Variants in PTPRF observed in about 807,000 individuals in gnomAD.
PTPRF encodes receptor-type tyrosine-protein phosphatase F.
In PTPRF, 59 loss-of-function variants were observed where a neutral mutation model predicts 201.8. That is an observed-to-expected ratio of 0.29 (90% CI 0.24 to 0.36). The LOEUF (loss-of-function observed/expected upper bound fraction) is 0.36, where lower values mean the gene tolerates loss of function less well. Ranked by LOEUF, PTPRF falls within the 10% of genes least tolerant of loss-of-function variation. The pLI is 1.00. For synonymous variants in PTPRF, 1,088 were observed against 1,089.7 expected (o/e 1.00, Z 0.03); for missense variants, 2,132 against 2,690.5 (o/e 0.79, Z 4.59).
chr1:43,607,731 G>C (rs1325850507), intron 21 of PTPRF, among the ~76,000 whole-genome samples: 1 of 152,172 alleles, frequency 6.6e-6, no homozygotes, highest in African/African-American at 2.4e-5. Context: ...TCAGTGTTCA[G>C]GCCCACACAG....
At position 43,558,571 on chromosome 1, in the gene PTPRF, C is replaced by T. The variant is rs549508698; in HGVS notation, c.379+4630C>T. Among the ~76,000 whole-genome samples, 407 of 152,318 alleles carry T rather than the reference C, an allele frequency of 2.7e-3. 3 individuals carry two copies. Among genetic ancestry groups the T allele is most frequent in the Non-Finnish European group, 4.0e-3 (272 of 68,016 alleles). On this transcript the variant is annotated intron_variant, in intron 5 of 33. Transcript: ENST00000359947. ...GATGAGCGTGGGGCCCGCCGCCCAG[C>T]GTTCCTGTCTGAGTGGTAATTGAAG...
In PTPRF at chr1:43,603,669, G is replaced by A; in HGVS notation, c.2517G>A (p.Gln839=). ...CGGCCATGAACACTGCGCTGCTCCA[G>A]TGGCACCCACCCAAGGAACTGCCTG... The part of the protein sequence containing the change: ...STTAMNTALL[Q]WHPPKELPGE... Residue 839 remains glutamine, a synonymous_variant, in exon 16 of 34, where the codon CAG becomes CAA. Transcript: ENST00000359947. This position sits in a 1 kb window ranked among gnomAD's most constrained non-coding sequence, Gnocchi z 5.8. 1 of 1,613,624 alleles carries A rather than the reference G, an allele frequency of 6.2e-7. No homozygotes were observed. Among genetic ancestry groups the A allele is most frequent in the Non-Finnish European group, 8.5e-7 (1 of 1,180,002 alleles).
At chr1:43,618,006 G>A (rs766447337) in intron 25 of PTPRF, 95 bp downstream of exon 25, 44 of 1,336,008 alleles carry the variant, frequency 3.3e-5, no homozygotes, top group Non-Finnish European at 4.1e-5. Flanking sequence ...CTTCTGTGGA[G>A]GAAGTCGCTC....
chr1:43,554,071 A>G lies in PTPRF; in HGVS notation c.379+130A>G, dbSNP rs954743570. 1 of 1,279,848 alleles carries G rather than the reference A, an allele frequency of 7.8e-7. No homozygotes were observed. Among genetic ancestry groups the G allele is most frequent in the South Asian group, 1.5e-5 (1 of 68,148 alleles). The allele number at this position is 1,279,848 out of a possible 1,614,324, so 79.3% of individuals were successfully genotyped here. ...AGGACTGGCCACCTCGGGGTCAGTG[A>G]AAGTCAGTGGTGGACAGGGATAGTC... is the stretch of plus-strand genomic sequence containing the variant. On this transcript the variant is annotated intron_variant, in intron 5 of 33. Transcript: ENST00000359947. The surrounding 1 kb of genome is among the most constrained non-coding windows in gnomAD (Gnocchi z 4.1).
At chr1:43,533,092 TA>T (rs961727486) in intron 1 of PTPRF, among the ~76,000 whole-genome samples, 5 of 152,250 alleles carry the variant, frequency 3.3e-5, no homozygotes, top group African/African-American at 1.2e-4. Flanking sequence ...GTGTTTTTTT[TA>T]GTTTCCTTTA....
rs375037335 is a variant in PTPRF, at chr1:43,613,602, G to A, written c.3974-16G>A. The A allele has an allele frequency of 1.6e-5, 26 of 1,604,502 alleles. No individual in the cohort carries two copies. Among genetic ancestry groups the A allele is most frequent in the Non-Finnish European group, 1.9e-5 (22 of 1,171,302 alleles). On this transcript the variant is annotated splice_polypyrimidine_tract_variant and intron_variant, in intron 22 of 33. Coordinates refer to ENST00000359947, the MANE Select transcript of PTPRF (RefSeq NM_002840.5). ...CCTCACACTAATGCTGCCTGTGTAT[G>A]CCCTACCTCCCCTAGGTATGCGAGA...
chr1:43,610,469 C>G (rs1344081194), intron 22 of PTPRF, among the ~76,000 whole-genome samples: 1 of 152,228 alleles, frequency 6.6e-6, no homozygotes, highest in African/African-American at 2.4e-5. Flanking sequence ...GTCTTTATTC[C>G]AGAAAGTCTG....
chr1:43,571,362 T>C (rs1570122813), intron 6 of PTPRF, among the ~76,000 whole-genome samples: 2 of 152,036 alleles, frequency 1.3e-5, no homozygotes, highest in East Asian at 3.9e-4. Context: ...GCTCACCCCC[T>C]CCTAAAGCTC....
At chr1:43,591,647 G>A in intron 9 of PTPRF, 94 bp downstream of exon 9, 1 of 1,440,422 alleles carries the variant, frequency 6.9e-7, no homozygotes, top group East Asian at 2.5e-5. Context: ...CTGTGAGGCT[G>A]GGGGCTCTTG....
At chr1:43,602,586 G>A (rs1295179708) in intron 14 of PTPRF, among the ~76,000 whole-genome samples, 1 of 151,780 alleles carries the variant, frequency 6.6e-6, no homozygotes, top group Admixed American at 6.6e-5. Context: ...GAGCTGGAGG[G>A]ATACCAGGGT....
At chr1:43,545,724 C>G (rs912738531) in intron 3 of PTPRF, among the ~76,000 whole-genome samples, 1 of 152,132 alleles carries the variant, frequency 6.6e-6, no homozygotes, top group African/African-American at 2.4e-5. Context: ...AGGAGCATCC[C>G]CCCACCCCAG....
chr1:43,560,295 G>T (rs996321857), intron 5 of PTPRF, among the ~76,000 whole-genome samples: 3 of 151,682 alleles, frequency 2.0e-5, no homozygotes, highest in African/African-American at 7.3e-5. Flanking sequence ...CACTATATTT[G>T]TGCAGCAGGC....
intron 3 of PTPRF, among the ~76,000 whole-genome samples, chr1:43,552,816 C>T (rs762175886): frequency 3.3e-5 from 5 of 152,084 alleles, no homozygotes; most frequent in Non-Finnish European, 7.4e-5. Context: ...CTCCCTCTGC[C>T]TCCCTGTGGA....
upstream of PTPRF, among the ~76,000 whole-genome samples, chr1:43,522,516 G>C (rs973695660): frequency 1.3e-5 from 2 of 152,210 alleles, no homozygotes; most frequent in African/African-American, 2.4e-5. Flanking sequence ...TAGCTATTGA[G>C]TGAATGACAT....
intron 13 of PTPRF, among the ~76,000 whole-genome samples, chr1:43,600,495 C>G (rs1653486293): frequency 6.6e-6 from 1 of 150,966 alleles, no homozygotes; most frequent in African/African-American, 2.5e-5. Flanking sequence ...CTGTTCCTCG[C>G]CAGTGGGAGA....
Position 43,603,558 on chromosome 1 carries a change from T to C in PTPRF, c.2458+25T>C. 2 of 1,612,798 alleles carry C rather than the reference T, an allele frequency of 1.2e-6. No individual in the cohort carries two copies. The highest frequency in any genetic ancestry group is 2.2e-5 in the South Asian group (2 of 91,052). On this transcript the variant is annotated intron_variant, in intron 15 of 33. Coordinates refer to ENST00000359947, the MANE Select transcript of PTPRF (RefSeq NM_002840.5). The surrounding 1 kb of genome is among the most constrained non-coding windows in gnomAD (Gnocchi z 5.8). ...GGTGAGTGAGGGGTCAGGACGGACC[T>C]GAGGGTGGGGCAGCAGGAGGGCAGC... is the stretch of plus-strand genomic sequence containing the variant.
intron 5 of PTPRF, among the ~76,000 whole-genome samples, chr1:43,557,914 G>GGC (rs1433645005): frequency 6.6e-6 from 1 of 152,180 alleles, no homozygotes; most frequent in Non-Finnish European, 1.5e-5. Flanking sequence ...TTGACAGAAA[G>GGC]GCGTGCCGCA....
At chr1:43,538,061 GA>G (rs1331265099) in intron 1 of PTPRF, 136 bp from the exon 2 acceptor site, 25 of 394,136 alleles carry the variant, frequency 6.3e-5, no homozygotes, top group African/African-American at 4.5e-4. Context: ...ACCAGATGGG[GA>G]TGGTTCTACA....
Position 43,588,738 on chromosome 1 carries a change from C to T in PTPRF, c.687C>T (p.Arg229=), listed in dbSNP as rs1014519437. 8.7e-6 allele frequency: 14 copies of T among 1,613,214 alleles called. No homozygotes were observed. The highest frequency in any genetic ancestry group is 1.7e-5 in the Admixed American group (1 of 60,022). Residue 229 remains arginine, a synonymous_variant, in exon 8 of 34, where the codon CGC becomes CGT. Transcript: ENST00000359947. The surrounding 1 kb of genome is among the most constrained non-coding windows in gnomAD (Gnocchi z 5.3). Reference sequence around the variant, plus strand: ...CTCTCCCTCCTCCTGCAGTGCGCCGCGTGGCTCCTCGTTTCTCCATCCCTC... The same window carrying T: ...CTCTCCCTCCTCCTGCAGTGCGCCGTGTGGCTCCTCGTTTCTCCATCCCTC... ...APANLYVRVR[R]VAPRFSIPPS...
Sources: gnomAD v4.1 joint callset for allele counts (sites outside exome capture counted in the v4.1 genomes callset) on GRCh38, gnomAD v4.1.1 for gene constraint, Gnocchi (gnomAD v3.1) non-coding constraint, MANE v1.5 for transcripts, NCBI Gene and HGNC (gene_info 2026-07-23, HGNC 2026-07-21) for gene names.